LRCH1: variants seen among roughly 807,000 people sequenced by gnomAD.
The protein encoded by LRCH1 is leucine-rich repeat and calponin homology domain-containing protein 1.
Under a neutral mutation model 94.9 loss-of-function variants are expected in LRCH1, and 23 were observed. The ratio of observed to expected loss-of-function variants is 0.24; its 90% CI spans 0.17 to 0.34. LRCH1 has a LOEUF of 0.34. LRCH1 is among the 10% of genes least tolerant of loss of function. LRCH1 has a pLI of 1.00. For synonymous variants in LRCH1, 364 were observed against 354.9 expected, an observed-to-expected ratio of 1.03 and a Z score of -0.29; for missense variants, 790 against 945.9, an observed-to-expected ratio of 0.84 and a Z score of 2.16.
chr13:46,572,378 G>A (rs1475987794), intron 1 of LRCH1, among the ~76,000 whole-genome samples: 1 of 152,198 alleles, frequency 6.6e-6, no homozygotes, highest in African/African-American at 2.4e-5. Flanking sequence ...TTTAAGCTTA[G>A]TGAGTTTAAT....
At chr13:46,609,856 CAG>C (rs1192664972) in intron 1 of LRCH1, among the ~76,000 whole-genome samples, 1 of 152,128 alleles carries the variant, frequency 6.6e-6, no homozygotes, top group Non-Finnish European at 1.5e-5. Context: ...AGCCTGGGCT[CAG>C]GGGCTGCCAG....
chr13:46,584,144 C>T (rs1012840012), intron 1 of LRCH1, among the ~76,000 whole-genome samples: 4 of 152,158 alleles, frequency 2.6e-5, no homozygotes, highest in African/African-American at 9.7e-5. Flanking sequence ...ATAATTATGA[C>T]ACTTCAATTA....
At chr13:46,649,885 C>T (rs75469715) in intron 1 of LRCH1, among the ~76,000 whole-genome samples, 12,920 of 150,876 alleles carry the variant, frequency 0.086, 662 homozygotes, top group Middle Eastern at 0.16. Flanking sequence ...TATTCAGATA[C>T]GTTAAAGGAT....
chr13:46,736,758 C>T (rs954723417), intron 19 of LRCH1, among the ~76,000 whole-genome samples: 1 of 152,166 alleles, frequency 6.6e-6, no homozygotes, highest in Non-Finnish European at 1.5e-5. Flanking sequence ...CTTATCTACA[C>T]ACACACACAA....
chr13:46,652,402 T>TG (rs1421453233), intron 2 of LRCH1, among the ~76,000 whole-genome samples: 2 of 150,354 alleles, frequency 1.3e-5, no homozygotes, highest in East Asian at 3.9e-4. Flanking sequence ...TTTGTTTTTT[T>TG]TTTTGTCAGG....
intron 1 of LRCH1, among the ~76,000 whole-genome samples, chr13:46,579,780 C>A (rs535043196): frequency 1.9e-4 from 29 of 152,204 alleles, no homozygotes; most frequent in Admixed American, 3.9e-4. Context: ...ATGCGAACAT[C>A]TGAATAATTG....
downstream of LRCH1, among the ~76,000 whole-genome samples, chr13:46,747,266 C>T (rs568082356): frequency 1.3e-5 from 2 of 152,234 alleles, no homozygotes; most frequent in African/African-American, 4.8e-5. Flanking sequence ...AGAGGGTGCC[C>T]TTCACCTAAC....
intron 1 of LRCH1, among the ~76,000 whole-genome samples, chr13:46,584,878 T>C (rs1280764648): frequency 6.6e-6 from 1 of 152,230 alleles, no homozygotes; most frequent in Non-Finnish European, 1.5e-5. Flanking sequence ...TGAGGCTATA[T>C]GTAAAATATG....
At position 46,687,994 on chromosome 13, in the gene LRCH1, C is replaced by T. The variant is rs752344932; in HGVS notation, c.950+15C>T. The T allele has an allele frequency of 2.5e-6, 4 of 1,591,774 alleles. No individual in the cohort carries two copies. The highest frequency in any genetic ancestry group is 3.4e-6 in the Non-Finnish European group (4 of 1,169,234). The stretch of plus-strand genomic sequence containing the variant: ...GTGGAAGATGGGTGAGTCATGCCCT[C>T]ATTCAAAGCCCCAGTTTAAAATTTG... On this transcript the variant is annotated intron_variant, in intron 6 of 19. Coordinates refer to ENST00000389797, the MANE Select transcript of LRCH1 (RefSeq NM_001164211.2).
intron 1 of LRCH1, among the ~76,000 whole-genome samples, chr13:46,629,441 T>C (rs530800493): frequency 6.6e-6 from 1 of 152,328 alleles, no homozygotes; most frequent in African/African-American, 2.4e-5. Context: ...AATTGCATAG[T>C]TCATGAAAGG....
At chr13:46,567,284 G>A (rs577853152) in intron 1 of LRCH1, among the ~76,000 whole-genome samples, 2 of 152,214 alleles carry the variant, frequency 1.3e-5, no homozygotes, top group South Asian at 2.1e-4. Context: ...TTTTGTAATA[G>A]AGATCTTTCT....
intron 1 of LRCH1, among the ~76,000 whole-genome samples, chr13:46,613,825 T>C (rs1284928840): frequency 6.6e-6 from 1 of 152,226 alleles, no homozygotes; most frequent in South Asian, 2.1e-4. Context: ...TAAATTCTTA[T>C]CTTCCACTCC....
exon 19 of LRCH1, chr13:46,750,556 C>G (rs1483599772): frequency 6.4e-7 from 1 of 1,551,060 alleles, no homozygotes; most frequent in Admixed American, 2.0e-5. Flanking sequence ...CTATGTCTCC[C>G]CCACCACATC....
At chr13:46,580,699 C>T (rs1054861443) in intron 1 of LRCH1, among the ~76,000 whole-genome samples, 3 of 152,234 alleles carry the variant, frequency 2.0e-5, no homozygotes, top group South Asian at 2.1e-4. Flanking sequence ...TTAGCAAAGA[C>T]GTAGTGGAGA....
chr13:46,558,809 G>A (rs1357002831), intron 1 of LRCH1, among the ~76,000 whole-genome samples: 1 of 152,084 alleles, frequency 6.6e-6, no homozygotes, highest in African/African-American at 2.4e-5. Flanking sequence ...ATTTAAGCCT[G>A]TCTTTCTGGT....
chr13:46,705,657 C>A, intron 13 of LRCH1: 2 of 389,390 alleles, frequency 5.1e-6, no homozygotes, highest in Non-Finnish European at 9.6e-6. Context: ...GATTTTAGAG[C>A]CAAGAAAAGG....
At position 46,742,225 on chromosome 13, in the gene LRCH1, A is replaced by G; in HGVS notation, c.*377A>G. 1.8e-6 allele frequency: 2 copies of G among 1,091,922 alleles called. No individual in the cohort carries two copies. The highest frequency in any genetic ancestry group is 2.2e-6 in the Non-Finnish European group (2 of 895,452). The allele number at this position is 1,091,922 out of a possible 1,614,324, so 67.6% of individuals were successfully genotyped here. ...AGTGTCAAGGACAGGGATTTAGCATATGGAAGTCTTTCCTTTGGGTCAGTA... is the reference window on the plus strand; with the variant it reads ...AGTGTCAAGGACAGGGATTTAGCATGTGGAAGTCTTTCCTTTGGGTCAGTA... On this transcript the variant is annotated 3_prime_UTR_variant, in exon 20 of 20. Coordinates refer to ENST00000389797, the MANE Select transcript of LRCH1 (RefSeq NM_001164211.2).
chr13:46,673,745 AATTTTTT>A (rs1399428452), intron 3 of LRCH1, among the ~76,000 whole-genome samples: 12 of 120,180 alleles, frequency 1.0e-4, no homozygotes, highest in Non-Finnish European at 1.8e-4. Flanking sequence ...TTCCAAATGG[AATTTTTT>A]TTTTTTTTTT....
At chr13:46,674,487 G>T (rs940138597) in intron 3 of LRCH1, among the ~76,000 whole-genome samples, 4 of 152,218 alleles carry the variant, frequency 2.6e-5, no homozygotes. Flanking sequence ...GCTCCATGGA[G>T]CTGGCCCCTC....
Sources: allele counts gnomAD v4.1 joint callset (sites outside exome capture counted in the v4.1 genomes callset), GRCh38; gene constraint gnomAD v4.1.1; transcripts MANE v1.5; gene names NCBI Gene and HGNC (gene_info 2026-07-23, HGNC 2026-07-21).